The following ARHGEF18 variants were observed in gnomAD, a reference collection of about 807,000 sequenced individuals.
ARHGEF18 encodes Rho/Rac guanine nucleotide exchange factor 18.
Under a neutral mutation model 155.7 loss-of-function variants are expected in ARHGEF18, and 93 were observed. That is an observed-to-expected ratio of 0.60 (90% CI 0.50 to 0.71). ARHGEF18 has a LOEUF of 0.71. ARHGEF18 is among the 30% of genes least tolerant of loss of function. The pLI is 0.00. For synonymous variants in ARHGEF18, 742 were observed against 753.1 expected, an observed-to-expected ratio of 0.99 and a Z score of 0.24; for missense variants, 1,593 against 1,816.1, an observed-to-expected ratio of 0.88 and a Z score of 2.23.
In ARHGEF18 at chr19:7,367,758, AAT is replaced by A. The variant is rs200869379; in HGVS notation, c.15+4867_15+4868del. On this transcript the variant is annotated intron_variant, in intron 2 of 28. Transcript: ENST00000668164. Reference sequence around the variant, plus strand: ...TGAAACTCCATCTCAAAAAAAAAAAAATATATATATATATACACATATATATA... The same window carrying A: ...TGAAACTCCATCTCAAAAAAAAAAAAATATATATATATACACATATATATA... Among the ~76,000 whole-genome samples, 3 of 74,158 alleles carry A rather than the reference AAT, an allele frequency of 4.0e-5. No individual in the cohort carries two copies. The South Asian group carries it at 1.0e-3, about 26-fold the overall frequency. 48.7% of individuals were successfully genotyped at this position (74,158 alleles called of 152,430 possible). A position where few individuals can be genotyped will look rare whatever the true frequency, so the allele number is the denominator to read the frequency against.
chr19:7,449,699 C>T (rs1975238433), intron 15 of ARHGEF18, among the ~76,000 whole-genome samples: 3 of 151,938 alleles, frequency 2.0e-5, no homozygotes, highest in African/African-American at 7.3e-5. Context: ...TTTTTAGAGT[C>T]AGGGTCTTGC....
chr19:7,368,019 G>GAGGAAGGAAGGAAGGA (rs1568270733), intron 2 of ARHGEF18, among the ~76,000 whole-genome samples: 6 of 79,446 alleles, frequency 7.6e-5, no homozygotes, highest in Non-Finnish European at 1.6e-4. Context: ...GGGAGGGAGG[G>GAGGAAGGAAGGAAGGA]CGGAAGGAAG....
intron 10 of ARHGEF18, among the ~76,000 whole-genome samples, chr19:7,419,646 G>A (rs1973234798): frequency 6.6e-6 from 1 of 151,932 alleles, no homozygotes; most frequent in African/African-American, 2.4e-5. Context: ...TCTCCATCAG[G>A]CCACCCTAGC....
At position 7,410,724 on chromosome 19, in the gene ARHGEF18, C is replaced by T. The variant is rs150797064; in HGVS notation, c.967+27521C>T. ...ACTTGGGAGGCTGAGGCACGAGAATCGCTTGAACCTGAGAAGCAGAGGTTG... is the reference window on the plus strand; with the variant it reads ...ACTTGGGAGGCTGAGGCACGAGAATTGCTTGAACCTGAGAAGCAGAGGTTG... On this transcript the variant is annotated intron_variant, in intron 10 of 28. Coordinates refer to ENST00000668164, the MANE Select transcript of ARHGEF18 (RefSeq NM_001367823.1). Among the ~76,000 whole-genome samples the T allele has an allele frequency of 5.8e-3, 808 of 140,012 alleles. 9 individuals carry two copies. The highest frequency in any genetic ancestry group is 0.02 in the African/African-American group (757 of 38,688). 91.9% of individuals were successfully genotyped at this position (140,012 alleles called of 152,430 possible). A position where few individuals can be genotyped will look rare whatever the true frequency, so the allele number is the denominator to read the frequency against.
chr19:7,382,861 C>T lies in ARHGEF18; in HGVS notation c.792C>T (p.Cys264=), dbSNP rs1970811907. ...KSTSVKRRLS[C]LRSRVTRQKE... ...CCAGTGTGAAGCGCAGGCTGAGCTG[C>T]CTCCGCAGTCGAGTGACCAGGCAGA... The change falls in exon 9 of 29, where the codon TGC becomes TGT. Residue 264 remains cysteine (C), a synonymous_variant. Transcript: ENST00000668164. The T allele has an allele frequency of 3.2e-6, 4 of 1,232,458 alleles. No homozygotes were observed. In the South Asian group the frequency reaches 1.6e-4, roughly 51 times the overall value. 76.3% of individuals were successfully genotyped at this position (1,232,458 alleles called of 1,614,324 possible). A position where few individuals can be genotyped will look rare whatever the true frequency, so the allele number is the denominator to read the frequency against.
intron 10 of ARHGEF18, among the ~76,000 whole-genome samples, chr19:7,409,465 T>C (rs1212629263): frequency 7.1e-6 from 1 of 140,072 alleles, no homozygotes; most frequent in Non-Finnish European, 1.5e-5. Context: ...GGCCACTCTA[T>C]CACCCAAGCT....
the ARHGEF18 span, chr19:7,477,497 C>T: frequency 7.7e-7 from 1 of 1,302,082 alleles, no homozygotes; most frequent in Non-Finnish European, 1.0e-6. Context: ...TTCCCAAGCC[C>T]CTGAATGCCC....
At chr19:7,419,487 TC>T (rs1240257819) in intron 10 of ARHGEF18, among the ~76,000 whole-genome samples, 1 of 151,770 alleles carries the variant, frequency 6.6e-6, no homozygotes, top group Non-Finnish European at 1.5e-5. Context: ...GGGCAGCCCA[TC>T]CCACTGTGAA....
At chr19:7,460,047 C>T in intron 20 of ARHGEF18, 53 bp downstream of exon 20, 1 of 1,521,676 alleles carries the variant, frequency 6.6e-7, no homozygotes, top group Non-Finnish European at 8.9e-7. Context: ...GCCCTGGGCC[C>T]TCCATCAGGA....
chr19:7,477,400 C>A, downstream of ARHGEF18: 2 of 1,522,588 alleles, frequency 1.3e-6, no homozygotes, highest in East Asian at 2.5e-5. Context: ...ACTGCATCTG[C>A]GCCTCCATGG....
Position 7,395,158 on chromosome 19 carries a change from G to T in ARHGEF18, c.967+11955G>T, listed in dbSNP as rs79469543. 4,898 of 985,956 alleles carry T rather than the reference G, an allele frequency of 5.0e-3. 34 individuals are homozygous for T. Among genetic ancestry groups the T allele is most frequent in the African/African-American group, 0.024 (1,395 of 57,386 alleles). The allele number at this position is 985,956 out of a possible 1,614,324, so 61.1% of individuals were successfully genotyped here. A position where few individuals can be genotyped will look rare whatever the true frequency, so the allele number is the denominator to read the frequency against. On this transcript the variant is annotated intron_variant, in intron 10 of 28. Coordinates refer to ENST00000668164, the MANE Select transcript of ARHGEF18 (RefSeq NM_001367823.1). This position sits in a 1 kb window ranked among gnomAD's most constrained non-coding sequence, Gnocchi z 5.0. ...CGGCTCCCAGCTGCTAGCTACTGTG[G>T]ATCTGGGGGGGCCGGACGGAGGCAT...
Position 7,440,626 on chromosome 19 carries a change from A to AACGCTTGCTTCCAGGATCC in ARHGEF18, c.1106+149_1106+167dup, listed in dbSNP as rs1974580726. 8.5e-7 allele frequency: 1 copy of AACGCTTGCTTCCAGGATCC among 1,176,340 alleles called. No individual in the cohort carries two copies. The highest frequency in any genetic ancestry group is 1.5e-5 in the African/African-American group (1 of 64,526). 72.9% of individuals were successfully genotyped at this position (1,176,340 alleles called of 1,614,324 possible). A position where few individuals can be genotyped will look rare whatever the true frequency, so the allele number is the denominator to read the frequency against. On this transcript the variant is annotated intron_variant, in intron 11 of 28. Coordinates refer to ENST00000668164, the MANE Select transcript of ARHGEF18 (RefSeq NM_001367823.1). This position sits in a 1 kb window ranked among gnomAD's most constrained non-coding sequence, Gnocchi z 5.4. ...CGTGCTAAGCAGAGAAATTCCCATT[A>AACGCTTGCTTCCAGGATCC]ACGCTTGCTTCCAGGATCCACGCCT...
chr19:7,402,448 A>T (rs1426954383), intron 10 of ARHGEF18, among the ~76,000 whole-genome samples: 1 of 152,138 alleles, frequency 6.6e-6, no homozygotes, highest in Non-Finnish European at 1.5e-5. Context: ...TACATAAAAT[A>T]GATTGTGATG....
intron 15 of ARHGEF18, among the ~76,000 whole-genome samples, chr19:7,450,665 T>C: frequency 6.6e-6 from 1 of 152,280 alleles, no homozygotes; most frequent in Non-Finnish European, 1.5e-5. Flanking sequence ...TTGCTGTCCA[T>C]TTCCGAGATG....
At chr19:7,403,865 G>A (rs1206614115) in intron 10 of ARHGEF18, among the ~76,000 whole-genome samples, 1 of 152,162 alleles carries the variant, frequency 6.6e-6, no homozygotes, top group East Asian at 1.9e-4. Flanking sequence ...GGGAGTTCAA[G>A]ACCTGCCTGG....
chr19:7,456,591 T>G (rs1191606093), intron 18 of ARHGEF18, among the ~76,000 whole-genome samples, 188 bp downstream of exon 18: 1 of 151,972 alleles, frequency 6.6e-6, no homozygotes, highest in Admixed American at 6.6e-5. Context: ...GTGGCCCATG[T>G]CTGTAGTCCC....
At chr19:7,393,237 A>C (rs1446020403) in intron 10 of ARHGEF18, among the ~76,000 whole-genome samples, 1 of 152,004 alleles carries the variant, frequency 6.6e-6, no homozygotes. Flanking sequence ...TTCCCTGAAC[A>C]TGCTCCCTTC....
At chr19:7,449,442 C>T (rs145052602) in intron 15 of ARHGEF18, among the ~76,000 whole-genome samples, 147 of 152,152 alleles carry the variant, frequency 9.7e-4, no homozygotes, top group African/African-American at 3.5e-3. Context: ...GGTGTGGTGG[C>T]GCACACCTGT....
chr19:7,468,706 C>T (rs1976817805), intron 26 of ARHGEF18, 119 bp from the exon 27 acceptor site: 1 of 1,142,428 alleles, frequency 8.8e-7, no homozygotes, highest in Non-Finnish European at 1.2e-6. Context: ...CTTCAGGCTG[C>T]ACCTGGCTCT....
Sources: gnomAD v4.1 joint callset for allele counts (sites outside exome capture counted in the v4.1 genomes callset) on GRCh38, gnomAD v4.1.1 for gene constraint, Gnocchi (gnomAD v3.1) non-coding constraint, MANE v1.5 for transcripts, NCBI Gene and HGNC (gene_info 2026-07-23, HGNC 2026-07-21) for gene names.